The following LRRC9 variants were observed in gnomAD, a reference collection of about 807,000 sequenced individuals.
LRRC9 encodes leucine-rich repeat-containing protein 9.
LRRC9 carries 122 observed loss-of-function variants against 63.2 expected under a neutral mutation model. That is an observed-to-expected ratio of 1.93 (90% CI 1.67 to 2.24). LRRC9 has a LOEUF of 2.24. LRRC9 is among the 30% of genes most tolerant of loss of function. The pLI, the probability that LRRC9 is intolerant of heterozygous loss-of-function variation, is 0.00. For synonymous variants in LRRC9, 366 were observed against 213.1 expected, an observed-to-expected ratio of 1.72 and a Z score of -6.25; for missense variants, 1,071 against 627.7, an observed-to-expected ratio of 1.71 and a Z score of -7.55.
intron 17 of LRRC9, among the ~76,000 whole-genome samples, chr14:59,989,757 A>G (rs1887857728): frequency 6.6e-6 from 1 of 152,154 alleles, no homozygotes; most frequent in South Asian, 2.1e-4. Flanking sequence ...GCTCATTTGT[A>G]AATGAAATTA....
downstream of LRRC9, chr14:60,063,576 G>C (rs1894793107): frequency 2.3e-6 from 1 of 438,936 alleles, no homozygotes; most frequent in Non-Finnish European, 4.0e-6. Context: ...GTTATCTTTA[G>C]TTATTTGTTT....
At chr14:59,979,611 CA>C (rs908882398) in intron 15 of LRRC9, among the ~76,000 whole-genome samples, 2 of 149,472 alleles carry the variant, frequency 1.3e-5, no homozygotes, top group Admixed American at 6.6e-5. Context: ...GACTCCGTCT[CA>C]AAAAAAAATA....
chr14:59,941,762 G>T (rs1355113607), intron 7 of LRRC9, among the ~76,000 whole-genome samples: 1 of 152,088 alleles, frequency 6.6e-6, no homozygotes, highest in Non-Finnish European at 1.5e-5. Context: ...TCAAATAAGG[G>T]TAATTACCAT....
intron 13 of LRRC9, among the ~76,000 whole-genome samples, chr14:59,976,315 G>A (rs1289433733): frequency 1.3e-5 from 2 of 152,158 alleles, no homozygotes; most frequent in African/African-American, 4.8e-5. Context: ...CCAGTCTGGG[G>A]GAAAATTGTC....
Position 60,042,362 on chromosome 14 carries a change from G to A in LRRC9, c.3990+10299G>A, listed in dbSNP as rs1275790242. Among the ~76,000 whole-genome samples, 1 of 152,232 alleles carries A rather than the reference G, an allele frequency of 6.6e-6. No homozygotes were observed. The stretch of plus-strand genomic sequence containing the variant: ...TGCCCCCAGAGGTGGAGTCTACAGA[G>A]GCAGGCAGGCCTCCTTGAGCTGTGG... On this transcript the variant is annotated intron_variant, in intron 29 of 31. Coordinates refer to ENST00000445360, the Ensembl canonical transcript of LRRC9. This position sits in a 1 kb window ranked among gnomAD's most constrained non-coding sequence, Gnocchi z 4.2.
intron 30 of LRRC9, among the ~76,000 whole-genome samples, chr14:60,055,904 T>TG (rs1555389533): frequency 3.9e-4 from 22 of 55,702 alleles, no homozygotes; most frequent in Non-Finnish European, 8.1e-4. Context: ...GACCCTGTCT[T>TG]GGAAAAAAAA....
rs981562376 is a variant in LRRC9 at position 60,017,278 on chromosome 14, C to T, written c.3317+488C>T. Among the ~76,000 whole-genome samples the T allele has an allele frequency of 2.0e-5, 3 of 152,088 alleles. No homozygotes were observed. Among genetic ancestry groups the T allele is most frequent in the Non-Finnish European group, 2.9e-5 (2 of 68,014 alleles). On this transcript the variant is annotated intron_variant, in intron 24 of 31. Transcript: ENST00000445360. The surrounding 1 kb of genome is among the most constrained non-coding windows in gnomAD (Gnocchi z 4.0). Reference sequence around the variant, plus strand: ...CTTTTCTTTACTGCCCATGATACTTCATACTTCAGAAATTCTGAAATATTC... The same window carrying T: ...CTTTTCTTTACTGCCCATGATACTTTATACTTCAGAAATTCTGAAATATTC...
chr14:59,956,963 C>G (rs568550211), intron 8 of LRRC9, among the ~76,000 whole-genome samples: 114 of 152,278 alleles, frequency 7.5e-4, no homozygotes, highest in Non-Finnish European at 1.3e-3. Flanking sequence ...GGCCCTCACT[C>G]TCTTCTGGCT....
At chr14:60,032,026 T>A (rs754291602) in exon 29 of LRRC9, 6 of 701,024 alleles carry the variant, frequency 8.6e-6, no homozygotes. Flanking sequence ...CTTGACGTTA[T>A]CTCTACTCTC....
intron 26 of LRRC9, among the ~76,000 whole-genome samples, 190 bp downstream of exon 26, chr14:60,019,450 T>C (rs895834710): frequency 4.6e-5 from 7 of 151,944 alleles, no homozygotes; most frequent in Non-Finnish European, 7.4e-5. Flanking sequence ...ATTTCTCTCA[T>C]TGTTTATTCT....
rs1364997262 is a variant in LRRC9 at position 59,919,903 on chromosome 14, C to T, written c.-34+20C>T. The T allele has an allele frequency of 1.3e-5, 2 of 152,300 alleles. No individual in the cohort carries two copies. Among genetic ancestry groups the T allele is most frequent in the Non-Finnish European group, 2.9e-5 (2 of 68,086 alleles). 9.4% of individuals were successfully genotyped at this position (152,300 alleles called of 1,614,324 possible). On this transcript the variant is annotated intron_variant, in intron 1 of 31. Transcript: ENST00000445360. The surrounding 1 kb of genome is among the most constrained non-coding windows in gnomAD (Gnocchi z 4.5). ...GCGAAGGTAAGTGAAAAGATAAGCG[C>T]AGGTACAGAAAAACCTGCCAGCGAG...
chr14:59,992,039 G>T (rs371531798), intron 17 of LRRC9, among the ~76,000 whole-genome samples: 6 of 152,088 alleles, frequency 3.9e-5, no homozygotes, highest in East Asian at 1.9e-4. Flanking sequence ...GACCCCCGAG[G>T]AGCCTAACTG....
intron 17 of LRRC9, 91 bp from the exon 18 acceptor site, chr14:59,997,565 T>A: frequency 1.7e-6 from 1 of 578,144 alleles, no homozygotes; most frequent in Non-Finnish European, 3.1e-6. Context: ...TACCAGGAAG[T>A]GTGTAAAGTA....
intron 29 of LRRC9, among the ~76,000 whole-genome samples, chr14:60,044,119 T>G (rs994786517): frequency 6.6e-6 from 1 of 152,062 alleles, no homozygotes. Context: ...TCTCAATAAT[T>G]CTTTGTATTT....
chr14:60,011,462 T>C (rs1336164137), intron 23 of LRRC9, among the ~76,000 whole-genome samples: 1 of 152,186 alleles, frequency 6.6e-6, no homozygotes, highest in Non-Finnish European at 1.5e-5. Flanking sequence ...TCCTTTTCAC[T>C]TTGCCTAAAA....
Position 60,031,893 on chromosome 14 carries a change from C to G in LRRC9, c.3922-102C>G. ...TCACTTCAGAGAATTCAATCATGAGCTAGCTGCAAACTAACACTTACATAT... is the reference window on the plus strand; with the variant it reads ...TCACTTCAGAGAATTCAATCATGAGGTAGCTGCAAACTAACACTTACATAT... On this transcript the variant is annotated intron_variant, in intron 28 of 31. Coordinates refer to ENST00000445360, the Ensembl canonical transcript of LRRC9. This position sits in a 1 kb window ranked among gnomAD's most constrained non-coding sequence, Gnocchi z 4.6. 1.6e-6 allele frequency: 1 copy of G among 624,950 alleles called. No individual in the cohort carries two copies. Among genetic ancestry groups the G allele is most frequent in the Non-Finnish European group, 2.9e-6 (1 of 350,280 alleles). The allele number at this position is 624,950 out of a possible 1,614,324, so 38.7% of individuals were successfully genotyped here.
exon 24 of LRRC9, chr14:60,016,745 A>T: frequency 1.4e-6 from 1 of 700,014 alleles, no homozygotes; most frequent in Non-Finnish European, 2.6e-6. Context: ...GGACATTCCA[A>T]CTTCAAACAA....
At chr14:59,925,277 G>A (rs780728936) in intron 1 of LRRC9, among the ~76,000 whole-genome samples, 3 of 152,128 alleles carry the variant, frequency 2.0e-5, no homozygotes, top group Non-Finnish European at 4.4e-5. Flanking sequence ...AAAAACAACA[G>A]AAATGTATTT....
intron 29 of LRRC9, among the ~76,000 whole-genome samples, chr14:60,052,498 C>T (rs556978517): frequency 1.3e-5 from 2 of 152,236 alleles, no homozygotes; most frequent in South Asian, 2.1e-4. Context: ...TCATATTGTT[C>T]GTATTAGCAG....
Sources: gnomAD v4.1 joint callset for allele counts (sites outside exome capture counted in the v4.1 genomes callset) on GRCh38, gnomAD v4.1.1 for gene constraint, Gnocchi (gnomAD v3.1) non-coding constraint, MANE v1.5 for transcripts, NCBI Gene and HGNC (gene_info 2026-07-23, HGNC 2026-07-21) for gene names.